SCML2: variants seen among roughly 807,000 people sequenced by gnomAD.
The protein encoded by SCML2 is sex comb on midleg-like protein 2.
A neutral mutation model predicts 48.4 loss-of-function variants in SCML2; 6 were observed. The observed-to-expected ratio is 0.12, with a 90% CI of 0.07 to 0.24. The LOEUF (loss-of-function observed/expected upper bound fraction) is 0.24. Among genes scored for constraint, SCML2 ranks in the 10% least tolerant of loss-of-function variants. SCML2 has a pLI of 1.00. For synonymous variants in SCML2, 181 were observed against 189.5 expected, an observed-to-expected ratio of 0.95 and a Z score of 0.37; for missense variants, 377 against 528.2, an observed-to-expected ratio of 0.71 and a Z score of 2.81.
At chrX:18,273,556 C>T (rs1358748496) in intron 7 of SCML2, among the ~76,000 whole-genome samples, 1 of 111,631 alleles carries the variant, frequency 9.0e-6, no homozygotes, top group African/African-American at 3.3e-5. Context: ...GCCAAGCCTA[C>T]CTCCCAAGTA....
chrX:18,312,394 T>C (rs1205104335), intron 6 of SCML2, among the ~76,000 whole-genome samples: 1 of 111,267 alleles, frequency 9.0e-6, no homozygotes, highest in African/African-American at 3.3e-5. Flanking sequence ...CATCCCCCCA[T>C]ATATTTTAAA....
chrX:18,242,653 T>C, intron 13 of SCML2, 63 bp from the exon 14 acceptor site: 2 of 1,099,350 alleles, frequency 1.8e-6, no homozygotes, highest in East Asian at 3.1e-5. Context: ...AAAGAAGAGA[T>C]GTTAGGTAGG....
chrX:18,343,588 G>T (rs1242570701), intron 1 of SCML2, among the ~76,000 whole-genome samples: 1 of 108,520 alleles, frequency 9.2e-6, no homozygotes, highest in Admixed American at 1.0e-4. Flanking sequence ...GCAAAACCCC[G>T]TCTCTACTAA....
intron 6 of SCML2, among the ~76,000 whole-genome samples, chrX:18,306,545 G>A (rs999334103): frequency 2.7e-5 from 3 of 111,733 alleles, no homozygotes; most frequent in Admixed American, 9.5e-5. Context: ...GAGACTAAGA[G>A]ATTATTAAAA....
rs752204130 is a variant in SCML2 at position 18,345,200 on chromosome X, C to T, written c.-25+9392G>A. Among the ~76,000 whole-genome samples, 6 of 111,023 alleles carry T rather than the reference C, an allele frequency of 5.4e-5. No homozygotes were observed. In the East Asian group the frequency reaches 1.4e-3, roughly 26 times the overall value. ...TTTGTTGTGTTTAACTGTGTAAGTG[C>T]CTTTTCTCCCGTGCTAGACAATAAG... On this transcript the variant is annotated intron_variant, in intron 1 of 14. Transcript: ENST00000251900.
intron 3 of SCML2, among the ~76,000 whole-genome samples, chrX:18,329,508 T>C (rs1929587112): frequency 8.9e-6 from 1 of 112,165 alleles, no homozygotes; most frequent in Non-Finnish European, 1.9e-5. Flanking sequence ...AAAACAATAG[T>C]TTGCTACGTT....
chrX:18,354,690 C>A (rs1329574696), upstream of SCML2: 8 of 275,177 alleles, frequency 2.9e-5, no homozygotes, highest in Non-Finnish European at 5.1e-5. Flanking sequence ...AGAAGCCGCG[C>A]GCGGAGCCGC....
chrX:18,271,999 C>T (rs1276615311), intron 7 of SCML2, among the ~76,000 whole-genome samples: 1 of 110,227 alleles, frequency 9.1e-6, no homozygotes, highest in African/African-American at 3.3e-5. Flanking sequence ...GGTATAAACC[C>T]CGTGAGCTTC....
At chrX:18,306,047 A>G (rs1407849732) in intron 6 of SCML2, among the ~76,000 whole-genome samples, 1 of 111,556 alleles carries the variant, frequency 9.0e-6, no homozygotes, top group Non-Finnish European at 1.9e-5. Flanking sequence ...TATTCTACTG[A>G]CACTTGTTCA....
intron 6 of SCML2, among the ~76,000 whole-genome samples, chrX:18,305,762 T>TAA (rs1371129846): frequency 1.0e-5 from 1 of 97,272 alleles, no homozygotes; most frequent in Non-Finnish European, 2.1e-5. Flanking sequence ...ACTTAAAATT[T>TAA]AAAAAAAAAA....
intron 7 of SCML2, among the ~76,000 whole-genome samples, chrX:18,284,694 A>G (rs1927984288): frequency 8.9e-6 from 1 of 112,334 alleles, no homozygotes; most frequent in African/African-American, 3.2e-5. Flanking sequence ...TCAAAACCAC[A>G]ATGACATACC....
intron 3 of SCML2, among the ~76,000 whole-genome samples, chrX:18,326,412 G>C (rs994611231): frequency 9.0e-6 from 1 of 110,818 alleles, no homozygotes; most frequent in Non-Finnish European, 1.9e-5. Flanking sequence ...GGCCAGGTGC[G>C]GTGGCTCTGT....
chrX:18,317,927 G>T (rs1330854767), intron 6 of SCML2, among the ~76,000 whole-genome samples: 1 of 110,529 alleles, frequency 9.0e-6, no homozygotes, highest in Non-Finnish European at 1.9e-5. Context: ...TTGGGACAAA[G>T]GGAGATGCAT....
At chrX:18,288,600 T>C (rs1003902771) in intron 7 of SCML2, among the ~76,000 whole-genome samples, 1 of 112,005 alleles carries the variant, frequency 8.9e-6, no homozygotes. Flanking sequence ...ATAACCAAAA[T>C]TACCGAGATA....
chrX:18,325,078 T>A, intron 3 of SCML2, 101 bp from the exon 4 acceptor site: 5 of 380,467 alleles, frequency 1.3e-5, no homozygotes, highest in Non-Finnish European at 2.2e-5. Context: ...GTTCCATGCC[T>A]CTTAAAAGAA....
chrX:18,351,850 A>T (rs1028034221), intron 1 of SCML2, among the ~76,000 whole-genome samples: 5 of 111,578 alleles, frequency 4.5e-5, no homozygotes, highest in Non-Finnish European at 9.4e-5. Flanking sequence ...TCAAACTAAA[A>T]TTGGGATTTG....
chrX:18,325,845 A>T (rs191351759), intron 3 of SCML2, among the ~76,000 whole-genome samples: 1 of 111,968 alleles, frequency 8.9e-6, no homozygotes, highest in African/African-American at 3.2e-5. Flanking sequence ...TCACTATAAA[A>T]ATATTGGGTT....
chrX:18,318,751 G>A (rs1368773625), intron 6 of SCML2, among the ~76,000 whole-genome samples: 5 of 111,944 alleles, frequency 4.5e-5, no homozygotes, highest in Non-Finnish European at 9.4e-5. Flanking sequence ...TTTGCTTCCA[G>A]TAGAGCACTC....
At chrX:18,278,210 T>C (rs1469664008) in intron 7 of SCML2, among the ~76,000 whole-genome samples, 1 of 111,353 alleles carries the variant, frequency 9.0e-6, no homozygotes, top group Non-Finnish European at 1.9e-5. Flanking sequence ...TAAAGCACCA[T>C]AATTTGGGCA....
Sources: gnomAD v4.1 joint callset for allele counts (sites outside exome capture counted in the v4.1 genomes callset) on GRCh38, gnomAD v4.1.1 for gene constraint, MANE v1.5 for transcripts, NCBI Gene and HGNC (gene_info 2026-07-23, HGNC 2026-07-21) for gene names.